The following RPS14 variants were observed in gnomAD, a reference collection of about 807,000 sequenced individuals.
RPS14 encodes the protein ribosomal protein S14, also known as small ribosomal subunit protein uS11.
RPS14 carries 1 observed loss-of-function variant against 15.4 expected under a neutral mutation model. That is an observed-to-expected ratio of 0.07 (90% CI 0.02 to 0.31). The LOEUF (loss-of-function observed/expected upper bound fraction) is 0.31, where lower values mean the gene tolerates loss of function less well. Among genes scored for constraint, RPS14 ranks in the 10% least tolerant of loss-of-function variants. RPS14 has a pLI of 1.00. For missense variants in RPS14, 69 were observed against 205.5 expected (o/e 0.34, Z 4.06); for synonymous variants, 68 against 74.4 (o/e 0.91, Z 0.44).
At chr5:150,449,446 T>C (rs895999557) in intron 1 of RPS14, 2 of 152,314 alleles carry the variant, frequency 1.3e-5, no homozygotes, top group East Asian at 1.9e-4. Flanking sequence ...CGTGGCCGTA[T>C]TGCGGGGCCG....
intron 3 of RPS14, among the ~76,000 whole-genome samples, chr5:150,445,948 G>A (rs926696635): frequency 1.3e-5 from 2 of 152,148 alleles, no homozygotes; most frequent in Non-Finnish European, 2.9e-5. Flanking sequence ...AATTTAGCCA[G>A]GCGTGGTGGC....
intron 2 of RPS14, 73 bp downstream of exon 2, chr5:150,447,512 A>G: frequency 6.9e-7 from 1 of 1,459,734 alleles, no homozygotes; most frequent in Non-Finnish European, 9.6e-7. Flanking sequence ...AATCCCCTGA[A>G]CTGCTAGCCC....
At position 150,445,348 on chromosome 5, in the gene RPS14, A is replaced by G; in HGVS notation, c.388+261T>C. 3 of 631,824 alleles carry G rather than the reference A, an allele frequency of 4.7e-6. No individual in the cohort carries two copies. In the South Asian group the frequency reaches 4.9e-5, roughly 10 times the overall value. The allele number at this position is 631,824 out of a possible 1,614,324, so 39.1% of individuals were successfully genotyped here. ...TGACCTCAAGAATGGAGGAAAGGAC[A>G]ATTCATCTCTTGTCAGTTTTACCTG... is the stretch of plus-strand genomic sequence containing the variant. On this transcript the variant is annotated intron_variant, in intron 4 of 4. Transcript: ENST00000407193.
At chr5:150,447,889 A>G in intron 1 of RPS14, 154 bp from the exon 2 acceptor site, 1 of 838,700 alleles carries the variant, frequency 1.2e-6, no homozygotes, top group Non-Finnish European at 1.8e-6. Context: ...CCTCACTAAA[A>G]CTTCTTTCTC....
rs1049144287 is a variant in RPS14, at chr5:150,449,739, G to A, written c.-39C>T. ...CTCCAGACTCCACACCGGAAAGAGA[G>A]AGTGGGAGGGGGCGGAGCGACGGGG... is the stretch of plus-strand genomic sequence containing the variant. On this transcript the variant is annotated 5_prime_UTR_variant, in exon 1 of 5. Coordinates refer to ENST00000407193, the MANE Select transcript of RPS14 (RefSeq NM_005617.4). 2 of 151,508 alleles carry A rather than the reference G, an allele frequency of 1.3e-5. No homozygotes were observed. The highest frequency in any genetic ancestry group is 2.1e-4 in the South Asian group (1 of 4,836). The allele number at this position is 151,508 out of a possible 1,614,324, so 9.4% of individuals were successfully genotyped here.
In RPS14 at chr5:150,446,224, T is replaced by C. The variant is rs182964729; in HGVS notation, c.312-539A>G. 1.3e-5 allele frequency among the ~76,000 whole-genome samples: 2 copies of C among 152,232 alleles called. No individual in the cohort carries two copies. Among genetic ancestry groups the C allele is most frequent in the East Asian group, 3.9e-4 (2 of 5,180 alleles). ...ATCTATTTCAGCTTTCATGCCCCCA[T>C]CACTCAAATCCAGGTCCTTCCCCTC... On this transcript the variant is annotated intron_variant, in intron 3 of 4. Coordinates refer to ENST00000407193, the MANE Select transcript of RPS14 (RefSeq NM_005617.4). The surrounding 1 kb of genome is among the most constrained non-coding windows in gnomAD (Gnocchi z 4.2).
In RPS14 at chr5:150,443,719, T is replaced by C. The variant is rs1771006524; in HGVS notation, c.*567A>G. On this transcript the variant is annotated 3_prime_UTR_variant, in exon 5 of 5. Transcript: ENST00000407193. ...GGGTACTCAGAGCCGCATGCAAGCT[T>C]CCGGAAAGCAAGAACTTTTCTTTTT... is the stretch of plus-strand genomic sequence containing the variant. 1 of 152,232 alleles carries C rather than the reference T, an allele frequency of 6.6e-6. No individual in the cohort carries two copies. The highest frequency in any genetic ancestry group is 1.9e-4 in the East Asian group (1 of 5,196). 9.4% of individuals were successfully genotyped at this position (152,232 alleles called of 1,614,324 possible).
rs1288946922 is a variant in RPS14 at position 150,446,760 on chromosome 5, G to C, written c.311+42C>G. 3 of 1,595,804 alleles carry C rather than the reference G, an allele frequency of 1.9e-6. No homozygotes were observed. Among genetic ancestry groups the C allele is most frequent in the Non-Finnish European group, 1.7e-6 (2 of 1,169,328 alleles). On this transcript the variant is annotated intron_variant, in intron 3 of 4. Transcript: ENST00000407193. The surrounding 1 kb of genome is among the most constrained non-coding windows in gnomAD (Gnocchi z 4.2). ...CCAGGTGCTCCAGCACCCAAGCCCA[G>C]CAGGTTTTCTACCACCCAGCCATCC...
chr5:150,446,927 T>C lies in RPS14; in HGVS notation c.186A>G (p.Val62=), dbSNP rs1581277324. Residue 62 remains valine, a synonymous_variant, in exon 3 of 5, where the codon GTA becomes GTG. Transcript: ENST00000407193. The surrounding 1 kb of genome is among the most constrained non-coding windows in gnomAD (Gnocchi z 4.2). ...TICRVTGGMK[V]KADRDESSPY... is the part of the protein sequence containing the mutation. Reference sequence around the variant, plus strand: ...GTGAGGATTCATCTCGGTCTGCCTTTACCTTCATCCCACCAGTCACACGGC... The same window carrying C: ...GTGAGGATTCATCTCGGTCTGCCTTCACCTTCATCCCACCAGTCACACGGC... 1 of 1,614,240 alleles carries C rather than the reference T, an allele frequency of 6.2e-7. No homozygotes were observed.
intron 4 of RPS14, chr5:150,444,584 G>A (rs747173341): frequency 2.2e-5 from 15 of 671,886 alleles, no homozygotes; most frequent in African/African-American, 1.1e-4. Flanking sequence ...TGAGCTGTGC[G>A]CAAGATGTCA....
In RPS14 at chr5:150,449,730, G is replaced by C. The variant is rs906045375; in HGVS notation, c.-30C>G. 4 of 152,014 alleles carry C rather than the reference G, an allele frequency of 2.6e-5. No homozygotes were observed. The highest frequency in any genetic ancestry group is 2.6e-4 in the Admixed American group (4 of 15,290). The allele number at this position is 152,014 out of a possible 1,614,324, so 9.4% of individuals were successfully genotyped here. ...GCACGTCGTCTCCAGACTCCACACCGGAAAGAGAGAGTGGGAGGGGGCGGA... is the reference window on the plus strand; with the variant it reads ...GCACGTCGTCTCCAGACTCCACACCCGAAAGAGAGAGTGGGAGGGGGCGGA... On this transcript the variant is annotated 5_prime_UTR_variant, in exon 1 of 5. Transcript: ENST00000407193.
rs188050291 is a variant in RPS14, at chr5:150,447,311, C to T, written c.149+274G>A. The T allele has an allele frequency of 7.0e-5, 38 of 544,630 alleles. No homozygotes were observed. In the East Asian group the frequency reaches 1.0e-3, roughly 15 times the overall value. The allele number at this position is 544,630 out of a possible 1,614,324, so 33.7% of individuals were successfully genotyped here. A position where few individuals can be genotyped will look rare whatever the true frequency, so the allele number is the denominator to read the frequency against. On this transcript the variant is annotated intron_variant, in intron 2 of 4. Transcript: ENST00000407193. ...CCCGCACCCAGAGCCCACTTGCAGT[C>T]CACTGCTGCTCCTGCAAAGGGAACT...
intron 1 of RPS14, chr5:150,449,158 G>A (rs768321341): frequency 3.3e-5 from 5 of 152,240 alleles, no homozygotes; most frequent in Non-Finnish European, 5.9e-5. Flanking sequence ...TGAGCGCCCA[G>A]AACTTGCAAC....
Position 150,443,735 on chromosome 5 carries a change from TTTTC to T in RPS14, c.*547_*550del, listed in dbSNP as rs1771007368. The stretch of plus-strand genomic sequence containing the variant: ...ATGCAAGCTTCCGGAAAGCAAGAAC[TTTTC>T]TTTTTTATCGCTGATGAAAATAGGA... On this transcript the variant is annotated 3_prime_UTR_variant, in exon 5 of 5. Coordinates refer to ENST00000407193, the MANE Select transcript of RPS14 (RefSeq NM_005617.4). 6.6e-6 allele frequency: 1 copy of T among 152,242 alleles called. No homozygotes were observed. The highest frequency in any genetic ancestry group is 2.4e-5 in the African/African-American group (1 of 41,448). The allele number at this position is 152,242 out of a possible 1,614,324, so 9.4% of individuals were successfully genotyped here. A position where few individuals can be genotyped will look rare whatever the true frequency, so the allele number is the denominator to read the frequency against.
At chr5:150,445,522 C>A (rs902583289) in intron 4 of RPS14, 87 bp downstream of exon 4, 6 of 1,270,456 alleles carry the variant, frequency 4.7e-6, no homozygotes, top group Middle Eastern at 1.9e-4. Flanking sequence ...CCAGACCAGC[C>A]GCTGCACATC....
At position 150,444,343 on chromosome 5, in the gene RPS14, G is replaced by A; in HGVS notation, c.399C>T (p.Thr133=). The A allele has an allele frequency of 6.2e-7, 1 of 1,610,934 alleles. No individual in the cohort carries two copies. Among genetic ancestry groups the A allele is most frequent in the Non-Finnish European group, 8.5e-7 (1 of 1,177,800 alleles). The change falls in exon 5 of 5, where the codon ACC becomes ACT. Residue 133 remains threonine, a synonymous_variant. Coordinates refer to ENST00000407193, the MANE Select transcript of RPS14 (RefSeq NM_005617.4). ...GMKIGRIEDV[T]PIPSDSTRRK... Reference sequence around the variant, plus strand: ...TGCGAGTGCTGTCAGAGGGGATGGGGGTGACATCCTCTGTGGGGAGGAAGA... The same window carrying A: ...TGCGAGTGCTGTCAGAGGGGATGGGAGTGACATCCTCTGTGGGGAGGAAGA...
At chr5:150,444,497 C>A in intron 4 of RPS14, 144 bp from the exon 5 acceptor site, 1 of 707,716 alleles carries the variant, frequency 1.4e-6, no homozygotes, top group Non-Finnish European at 2.5e-6. Context: ...TGGATGTGAA[C>A]ATGAAGTGGC....
chr5:150,447,839 C>G (rs1429176369), intron 1 of RPS14, 104 bp from the exon 2 acceptor site: 2 of 1,253,306 alleles, frequency 1.6e-6, no homozygotes, highest in African/African-American at 1.5e-5. Context: ...ATGTCCCTGT[C>G]TTCTTCCATC....
In RPS14 at chr5:150,444,080, G is replaced by A; in HGVS notation, c.*206C>T. 4 of 642,244 alleles carry A rather than the reference G, an allele frequency of 6.2e-6. No homozygotes were observed. The highest frequency in any genetic ancestry group is 4.8e-4 in the Middle Eastern group (1 of 2,072). 39.8% of individuals were successfully genotyped at this position (642,244 alleles called of 1,614,324 possible). On this transcript the variant is annotated 3_prime_UTR_variant, in exon 5 of 5. Coordinates refer to ENST00000407193, the MANE Select transcript of RPS14 (RefSeq NM_005617.4). Reference sequence around the variant, plus strand: ...GCCTTGGTCTGCTTTAGATGACCAAGGCAACTTAATGCCGCAAGTAGCATG... The same window carrying A: ...GCCTTGGTCTGCTTTAGATGACCAAAGCAACTTAATGCCGCAAGTAGCATG...
Sources: gnomAD v4.1 joint callset for allele counts (sites outside exome capture counted in the v4.1 genomes callset) on GRCh38, gnomAD v4.1.1 for gene constraint, Gnocchi (gnomAD v3.1) non-coding constraint, MANE v1.5 for transcripts, NCBI Gene and HGNC (gene_info 2026-07-23, HGNC 2026-07-21) for gene names.